Variants in ATG7 observed in about 807,000 individuals in gnomAD.
ATG7 encodes the protein autophagy related 7, also known as ubiquitin-like modifier-activating enzyme ATG7.
Under a neutral mutation model 82.4 loss-of-function variants are expected in ATG7, and 70 were observed. The observed-to-expected ratio is 0.85, with a 90% CI of 0.70 to 1.04. The LOEUF is 1.04. Among genes scored for constraint, ATG7 ranks in the 50% least tolerant of loss-of-function variants. ATG7 has a pLI of 0.00. For synonymous variants in ATG7, 287 were observed against 313.0 expected (o/e 0.92, Z 0.88); for missense variants, 792 against 864.3 (o/e 0.92, Z 1.05).
downstream of ATG7, among the ~76,000 whole-genome samples, chr3:11,561,963 G>A (rs761743481): frequency 1.4e-5 from 2 of 145,344 alleles, no homozygotes; most frequent in African/African-American, 2.6e-5. Flanking sequence ...GCAGTGACGC[G>A]ATCTTGGCTC....
intron 16 of ATG7, among the ~76,000 whole-genome samples, 161 bp downstream of exon 16, chr3:11,360,945 T>C (rs2076242855): frequency 1.3e-5 from 2 of 152,252 alleles, no homozygotes; most frequent in African/African-American, 4.8e-5. Context: ...ATTATGAACC[T>C]TGACTGGCGT....
At chr3:11,295,020 G>A (rs1050386310) in intron 3 of ATG7, among the ~76,000 whole-genome samples, 1 of 152,190 alleles carries the variant, frequency 6.6e-6, no homozygotes, top group Non-Finnish European at 1.5e-5. Flanking sequence ...GCTTAGGCAG[G>A]AGAATTGCTT....
intron 20 of ATG7, among the ~76,000 whole-genome samples, chr3:11,548,903 A>C (rs1274904068): frequency 6.6e-6 from 1 of 152,216 alleles, no homozygotes; most frequent in Non-Finnish European, 1.5e-5. Context: ...GCCGGGTCAA[A>C]AGTTAAGCCG....
the ATG7 span, among the ~76,000 whole-genome samples, chr3:11,570,085 G>A: frequency 6.6e-6 from 1 of 152,014 alleles, no homozygotes; most frequent in African/African-American, 2.4e-5. Flanking sequence ...TGCCCCCTGG[G>A]GTTTCTGATG....
chr3:11,301,184 A>G (rs899606917), intron 5 of ATG7, among the ~76,000 whole-genome samples: 8 of 152,298 alleles, frequency 5.3e-5, no homozygotes, highest in South Asian at 2.1e-4. Flanking sequence ...ACAGAGGTCA[A>G]TGCGAGGGCC....
At chr3:11,333,708 G>T (rs1951970837) in intron 11 of ATG7, among the ~76,000 whole-genome samples, 1 of 151,000 alleles carries the variant, frequency 6.6e-6, no homozygotes, top group Non-Finnish European at 1.5e-5. Flanking sequence ...ATTCAAGTTT[G>T]AGTAAAATAA....
At chr3:11,506,141 TA>T in intron 20 of ATG7, among the ~76,000 whole-genome samples, 1 of 152,214 alleles carries the variant, frequency 6.6e-6, no homozygotes, top group African/African-American at 2.4e-5. Context: ...GTACATTTAT[TA>T]TTACTGAGTC....
chr3:11,354,380 T>C (rs1187027839), intron 14 of ATG7, among the ~76,000 whole-genome samples: 3 of 152,138 alleles, frequency 2.0e-5, no homozygotes, highest in Non-Finnish European at 4.4e-5. Flanking sequence ...CCGGGCGCAA[T>C]TGCTCACGCC....
Position 11,556,652 on chromosome 3 carries a change from A to T in ATG7, c.*1809A>T, listed in dbSNP as rs1418296931. 1 of 152,732 alleles carries T rather than the reference A, an allele frequency of 6.5e-6. No homozygotes were observed. The highest frequency in any genetic ancestry group is 1.5e-5 in the Non-Finnish European group (1 of 68,044). The allele number at this position is 152,732 out of a possible 1,614,324, so 9.5% of individuals were successfully genotyped here. On this transcript the variant is annotated 3_prime_UTR_variant, in exon 21 of 21. Transcript: ENST00000693202. ...AACAACAAAAAAAATGAATGATTAC[A>T]ATAGGAAAGGGAAAAATTAAATAGC...
At chr3:11,504,117 A>C (rs1458104846) in intron 20 of ATG7, among the ~76,000 whole-genome samples, 1 of 152,238 alleles carries the variant, frequency 6.6e-6, no homozygotes, top group Admixed American at 6.5e-5. Context: ...CATCATAGTG[A>C]ATTTCAAAAC....
At chr3:11,273,514 C>A (rs934031846) in intron 1 of ATG7, among the ~76,000 whole-genome samples, 3 of 152,206 alleles carry the variant, frequency 2.0e-5, no homozygotes, top group African/African-American at 7.2e-5. Context: ...CTCACCTTTT[C>A]TTCTCTAGGC....
intron 20 of ATG7, among the ~76,000 whole-genome samples, chr3:11,496,809 TAAAC>T (rs964038481): frequency 3.3e-5 from 5 of 152,192 alleles, no homozygotes; most frequent in Non-Finnish European, 7.4e-5. Context: ...GGATCTAAAA[TAAAC>T]AAAAATCCAT....
chr3:11,506,279 G>A (rs758189922), intron 20 of ATG7, among the ~76,000 whole-genome samples: 2 of 152,106 alleles, frequency 1.3e-5, no homozygotes, highest in African/African-American at 2.4e-5. Flanking sequence ...CATCCAGTGC[G>A]GTGGCCACTA....
intron 19 of ATG7, among the ~76,000 whole-genome samples, chr3:11,414,032 C>T (rs2081152419): frequency 6.6e-6 from 1 of 152,024 alleles, no homozygotes; most frequent in South Asian, 2.1e-4. Flanking sequence ...TCCACTTGTT[C>T]ATTGCTGGTA....
intron 20 of ATG7, among the ~76,000 whole-genome samples, chr3:11,522,096 C>A (rs2124922979): frequency 6.6e-6 from 1 of 152,252 alleles, no homozygotes; most frequent in Admixed American, 6.5e-5. Context: ...AGTGACCAAG[C>A]CAGGGTTCCG....
intron 19 of ATG7, among the ~76,000 whole-genome samples, chr3:11,415,576 C>G (rs2081303353): frequency 6.6e-6 from 1 of 151,968 alleles, no homozygotes; most frequent in African/African-American, 2.4e-5. Context: ...ATTATTTAAA[C>G]ATTTTTGTTA....
intron 20 of ATG7, among the ~76,000 whole-genome samples, chr3:11,497,373 A>G (rs1483827583): frequency 1.7e-5 from 2 of 115,550 alleles, no homozygotes; most frequent in Admixed American, 1.9e-4. Context: ...ATATATATAT[A>G]TATATATATA....
At chr3:11,394,538 C>A (rs1468897923) in intron 19 of ATG7, among the ~76,000 whole-genome samples, 1 of 152,168 alleles carries the variant, frequency 6.6e-6, no homozygotes, top group African/African-American at 2.4e-5. Context: ...GTGAGCCACA[C>A]CTTTAGTGTC....
intron 20 of ATG7, among the ~76,000 whole-genome samples, chr3:11,480,151 TCGATCTCCTGACCTCGAGATC>T (rs1201191060): frequency 6.6e-6 from 1 of 152,102 alleles, no homozygotes; most frequent in Non-Finnish European, 1.5e-5. Flanking sequence ...CAGCATGGTC[TCGATCTCCTGACCTCGAGATC>T]CACCTGCCTT....
Sources: allele counts gnomAD v4.1 joint callset (sites outside exome capture counted in the v4.1 genomes callset), GRCh38; gene constraint gnomAD v4.1.1; transcripts MANE v1.5; gene names NCBI Gene and HGNC (gene_info 2026-07-23, HGNC 2026-07-21).